The following FGFR1 variants were observed in gnomAD, a reference collection of about 807,000 sequenced individuals.
FGFR1 encodes the protein fibroblast growth factor receptor 1.
FGFR1 carries 18 observed loss-of-function variants against 93.7 expected under a neutral mutation model. That is an observed-to-expected ratio of 0.19 (90% CI 0.13 to 0.28). The LOEUF is 0.28. Ranked by LOEUF, FGFR1 falls within the 10% of genes least tolerant of loss-of-function variation. The probability of loss-of-function intolerance (pLI) is 1.00; values close to 1 mark genes in which losing one functional copy is unlikely to be tolerated. For synonymous variants in FGFR1, 448 were observed against 429.3 expected (o/e 1.04, Z -0.54); for missense variants, 731 against 1,080.4 (o/e 0.68, Z 4.53).
intron 2 of FGFR1, among the ~76,000 whole-genome samples, chr8:38,455,955 C>A (rs1832707462): frequency 6.6e-6 from 1 of 152,134 alleles, no homozygotes; most frequent in Admixed American, 6.5e-5. Flanking sequence ...ACTTTGGGTC[C>A]CCACCGTGCT....
intron 1 of FGFR1, chr8:38,466,243 C>CG (rs1835466401): frequency 8.6e-6 from 2 of 232,340 alleles, no homozygotes; most frequent in Admixed American, 1.1e-4. Context: ...CCCTGCGCAC[C>CG]GGGCTTGCTC....
chr8:38,457,323 A>T (rs1162775163), intron 2 of FGFR1, 33 bp downstream of exon 2: 2 of 1,607,856 alleles, frequency 1.2e-6, no homozygotes, highest in South Asian at 1.1e-5. Flanking sequence ...CCCAAGGCCC[A>T]GGAGTCCAGG....
rs1458867545 is a variant in FGFR1 at position 38,467,972 on chromosome 8, G to A, written c.-89+9C>T. ...CCCGCCCCAGATCCGGGGGCGCCGC[G>A]GCTCTTACCTCGCTCGGCGTGGAGG... is the stretch of plus-strand genomic sequence containing the variant. On this transcript the variant is annotated intron_variant, in intron 1 of 17. Transcript: ENST00000447712. 3.2e-5 allele frequency: 7 copies of A among 217,822 alleles called. 1 individual carries two copies. In the South Asian group the frequency reaches 7.4e-4, roughly 23 times the overall value. 13.5% of individuals were successfully genotyped at this position (217,822 alleles called of 1,614,324 possible). A position where few individuals can be genotyped will look rare whatever the true frequency, so the allele number is the denominator to read the frequency against.
At chr8:38,417,059 G>A (rs1291947230) in intron 12 of FGFR1, among the ~76,000 whole-genome samples, 1 of 152,160 alleles carries the variant, frequency 6.6e-6, no homozygotes, top group African/African-American at 2.4e-5. Context: ...CAGCCTGAGC[G>A]CTCTTAGACC....
At position 38,413,147 on chromosome 8, in the gene FGFR1, C is replaced by G. The variant is rs1229902399; in HGVS notation, c.*481G>C. 6.2e-5 allele frequency: 15 copies of G among 242,506 alleles called. No individual in the cohort carries two copies. Among genetic ancestry groups the G allele is most frequent in the Non-Finnish European group, 1.6e-5 (2 of 123,744 alleles). The allele number at this position is 242,506 out of a possible 1,614,324, so 15.0% of individuals were successfully genotyped here. On this transcript the variant is annotated 3_prime_UTR_variant, in exon 18 of 18. Transcript: ENST00000447712. The surrounding 1 kb of genome is among the most constrained non-coding windows in gnomAD (Gnocchi z 4.2). Reference sequence around the variant, plus strand: ...TTAATAAGCCACTGGCACCACCTATCTGGGGCAGAGGTCACCTTCAATCGA... The same window carrying G: ...TTAATAAGCCACTGGCACCACCTATGTGGGGCAGAGGTCACCTTCAATCGA...
chr8:38,428,853 T>G, intron 3 of FGFR1: 1 of 308,578 alleles, frequency 3.2e-6, no homozygotes. Flanking sequence ...TTCCAAAGGA[T>G]GGGCTAAACA....
chr8:38,418,480 A>C, intron 9 of FGFR1, 107 bp from the exon 10 acceptor site: 1 of 1,329,400 alleles, frequency 7.5e-7, no homozygotes, highest in African/African-American at 1.5e-5. Flanking sequence ...ATGTCTGTGT[A>C]TCTGATGTTC....
intron 6 of FGFR1, among the ~76,000 whole-genome samples, chr8:38,425,115 C>T (rs1660238054): frequency 6.6e-6 from 1 of 151,938 alleles, no homozygotes; most frequent in Non-Finnish European, 1.5e-5. Flanking sequence ...GATCTTACCC[C>T]AACCTCTTGG....
chr8:38,435,298 T>G (rs1824921137), intron 2 of FGFR1: 2 of 152,360 alleles, frequency 1.3e-5, no homozygotes, highest in East Asian at 3.9e-4. Flanking sequence ...GACTACTCAG[T>G]AAGTCCAGAA....
chr8:38,467,791 G>T lies in FGFR1; in HGVS notation c.-89+190C>A, dbSNP rs1238085440. 6 of 233,308 alleles carry T rather than the reference G, an allele frequency of 2.6e-5. No individual in the cohort carries two copies. The Admixed American group carries it at 3.4e-4, about 13-fold the overall frequency. The allele number at this position is 233,308 out of a possible 1,614,324, so 14.5% of individuals were successfully genotyped here. A position where few individuals can be genotyped will look rare whatever the true frequency, so the allele number is the denominator to read the frequency against. On this transcript the variant is annotated intron_variant, in intron 1 of 17. Transcript: ENST00000447712. ...GCAGGAGACGCGGACGGAGGGAAGG[G>T]AGGGGAGACCCAAGGGGCGCGGATC...
At position 38,424,075 on chromosome 8, in the gene FGFR1, C is replaced by A; in HGVS notation, c.936+434G>T. 1 of 285,080 alleles carries A rather than the reference C, an allele frequency of 3.5e-6. No homozygotes were observed. Among genetic ancestry groups the A allele is most frequent in the Non-Finnish European group, 7.0e-6 (1 of 143,058 alleles). The allele number at this position is 285,080 out of a possible 1,614,324, so 17.7% of individuals were successfully genotyped here. ...AATTTATATATGGCATTTGTTTTTC[C>A]AACTCTTCGTAAGAGATGCTCTTAT... On this transcript the variant is annotated intron_variant, in intron 7 of 17. Coordinates refer to ENST00000447712, the MANE Select transcript of FGFR1 (RefSeq NM_023110.3). This position sits in a 1 kb window ranked among gnomAD's most constrained non-coding sequence, Gnocchi z 4.3.
Position 38,462,036 on chromosome 8 carries a change from T to C in FGFR1, c.-88-4502A>G, listed in dbSNP as rs948463752. Among the ~76,000 whole-genome samples, 2 of 152,166 alleles carry C rather than the reference T, an allele frequency of 1.3e-5. 1 individual carries two copies. Among genetic ancestry groups the C allele is most frequent in the Admixed American group, 1.3e-4 (2 of 15,274 alleles). On this transcript the variant is annotated intron_variant, in intron 1 of 17. Coordinates refer to ENST00000447712, the MANE Select transcript of FGFR1 (RefSeq NM_023110.3). Reference sequence around the variant, plus strand: ...CAGTGGCCACTGCACACTTGAAATGTGGCTGGTGCTAACGGATATGCTATA... The same window carrying C: ...CAGTGGCCACTGCACACTTGAAATGCGGCTGGTGCTAACGGATATGCTATA...
rs147956471 is a variant in FGFR1, at chr8:38,455,794, G to A, written c.91+1562C>T. 2.3e-3 allele frequency among the ~76,000 whole-genome samples: 349 copies of A among 152,202 alleles called. 2 individuals carry two copies. The highest frequency in any genetic ancestry group is 0.017 in the Middle Eastern group (5 of 294). On this transcript the variant is annotated intron_variant, in intron 2 of 17. Transcript: ENST00000447712. Reference sequence around the variant, plus strand: ...TTCTGAACTCAAGCCCATCTCAGGTGCTCTCTGCTCCCCTCTTCCTCTGCA... The same window carrying A: ...TTCTGAACTCAAGCCCATCTCAGGTACTCTCTGCTCCCCTCTTCCTCTGCA...
intron 5 of FGFR1, among the ~76,000 whole-genome samples, 168 bp downstream of exon 5, chr8:38,427,753 A>T (rs1821307577): frequency 6.6e-6 from 1 of 152,248 alleles, no homozygotes; most frequent in South Asian, 2.1e-4. Flanking sequence ...AAGAAGACTG[A>T]AGAAATGTTT....
At position 38,413,783 on chromosome 8, in the gene FGFR1, G is replaced by T. The variant is rs56234888; in HGVS notation, c.2314C>A (p.Pro772Thr). Residue 772 changes from proline (P) to threonine (T), a missense_variant, in exon 18 of 18, where the codon CCC becomes ACC. Around this residue, in one of 10 missense-constraint regions of FGFR1, gnomAD observed 79 missense variants for 97.2 expected, o/e 0.81. Coordinates refer to ENST00000447712, the MANE Select transcript of FGFR1 (RefSeq NM_023110.3). This position sits in a 1 kb window ranked among gnomAD's most constrained non-coding sequence, Gnocchi z 4.2. Reference sequence around the variant, plus strand: ...AAGCTGGGGGAGTACTGGTCCAGGGGCATGGACAGGTCCAGGTACTCCTGT... The same window carrying T: ...AAGCTGGGGGAGTACTGGTCCAGGGTCATGGACAGGTCCAGGTACTCCTGT... ...SNQEYLDLSM[P>T]LDQYSPSFPD... The T allele has an allele frequency of 6.2e-7, 1 of 1,614,082 alleles. No homozygotes were observed. The highest frequency in any genetic ancestry group is 1.1e-5 in the South Asian group (1 of 91,082).
intron 7 of FGFR1, chr8:38,422,931 CA>C: frequency 1.4e-6 from 1 of 698,646 alleles, no homozygotes; most frequent in Non-Finnish European, 2.6e-6. Flanking sequence ...AGTAGGGTGG[CA>C]AGGACAGTCC....
intron 2 of FGFR1, among the ~76,000 whole-genome samples, chr8:38,436,944 G>A (rs141540962): frequency 1.6e-3 from 251 of 152,250 alleles, no homozygotes; most frequent in Non-Finnish European, 2.7e-3. Context: ...AGGCAGTTCT[G>A]GGATCTTGGC....
In FGFR1 at chr8:38,421,885, G is replaced by A. The variant is rs2150756675; in HGVS notation, c.993C>T (p.Val331=). The change falls in exon 8 of 18, where the codon GTC becomes GTT. Residue 331 remains valine, a synonymous_variant. Coordinates refer to ENST00000447712, the MANE Select transcript of FGFR1 (RefSeq NM_023110.3). Reference sequence around the variant, plus strand: ...TATACTCCCCTGCGTCCTCAAAGGAGACATTTCTTAAGTGAAGCACCTCCA... The same window carrying A: ...TATACTCCCCTGCGTCCTCAAAGGAAACATTTCTTAAGTGAAGCACCTCCA... ...KEMEVLHLRN[V]SFEDAGEYTC... is the part of the protein sequence containing the mutation. The A allele has an allele frequency of 1.2e-6, 2 of 1,614,178 alleles. No individual in the cohort carries two copies. Among genetic ancestry groups the A allele is most frequent in the African/African-American group, 1.3e-5 (1 of 75,038 alleles).
At chr8:38,417,785 G>C (rs2150642837) in intron 11 of FGFR1, 85 bp downstream of exon 11, 1 of 1,602,470 alleles carries the variant, frequency 6.2e-7, no homozygotes, top group Non-Finnish European at 8.5e-7. Flanking sequence ...AAAGGCACCA[G>C]AGAAGCTGTT....
Sources: allele counts gnomAD v4.1 joint callset (sites outside exome capture counted in the v4.1 genomes callset), GRCh38; gene constraint gnomAD v4.1.1; regional missense constraint gnomAD v4.1.1; non-coding constraint Gnocchi (gnomAD v3.1); transcripts MANE v1.5; gene names NCBI Gene and HGNC (gene_info 2026-07-23, HGNC 2026-07-21).